Variants in NKAIN2 observed in about 807,000 individuals in gnomAD.
The protein encoded by NKAIN2 is sodium/potassium-transporting ATPase subunit beta-1-interacting protein 2.
A neutral mutation model predicts 32.6 loss-of-function variants in NKAIN2; 14 were observed. That is an observed-to-expected ratio of 0.43 (90% CI 0.28 to 0.67). NKAIN2 has a LOEUF of 0.67. Among genes scored for constraint, NKAIN2 ranks in the 30% least tolerant of loss-of-function variants. The pLI is 0.17. For synonymous variants in NKAIN2, 80 were observed against 87.2 expected (o/e 0.92, Z 0.46); for missense variants, 198 against 258.3 (o/e 0.77, Z 1.60).
intron 1 of NKAIN2, among the ~76,000 whole-genome samples, chr6:123,896,506 A>C (rs998742670): frequency 6.6e-6 from 1 of 152,208 alleles, no homozygotes; most frequent in African/African-American, 2.4e-5. Flanking sequence ...CACAAAAGAA[A>C]GAAGAGAACT....
intron 1 of NKAIN2, among the ~76,000 whole-genome samples, chr6:124,217,954 T>G (rs1791575483): frequency 6.6e-6 from 1 of 152,134 alleles, no homozygotes; most frequent in Non-Finnish European, 1.5e-5. Flanking sequence ...GTAACACTAT[T>G]GGCAATTTGT....
intron 1 of NKAIN2, among the ~76,000 whole-genome samples, chr6:124,257,914 G>A (rs561566697): frequency 8.6e-5 from 13 of 151,538 alleles, no homozygotes; most frequent in Admixed American, 2.0e-4. Context: ...AAGTAGCTGG[G>A]ATTACAGGCA....
At chr6:123,975,633 C>T (rs1011307645) in intron 1 of NKAIN2, among the ~76,000 whole-genome samples, 2 of 152,058 alleles carry the variant, frequency 1.3e-5, no homozygotes, top group East Asian at 1.9e-4. Flanking sequence ...TCAAGGCAAT[C>T]GTAGATTGAG....
intron 3 of NKAIN2, among the ~76,000 whole-genome samples, chr6:124,516,970 C>A (rs1778938980): frequency 6.6e-6 from 1 of 152,112 alleles, no homozygotes; most frequent in African/African-American, 2.4e-5. Context: ...GTCTGTTCTG[C>A]AAGGGACATC....
At chr6:124,670,751 C>T (rs1052706602) in intron 4 of NKAIN2, among the ~76,000 whole-genome samples, 1 of 151,592 alleles carries the variant, frequency 6.6e-6, no homozygotes, top group African/African-American at 2.4e-5. Context: ...AACAATAATT[C>T]TCTCAAGAAA....
chr6:124,646,131 G>A (rs957133137), intron 3 of NKAIN2, among the ~76,000 whole-genome samples: 1 of 151,998 alleles, frequency 6.6e-6, no homozygotes, highest in Non-Finnish European at 1.5e-5. Context: ...TATTTATTTA[G>A]TGAAGATGAG....
chr6:124,557,200 G>T (rs1020857655), intron 3 of NKAIN2, among the ~76,000 whole-genome samples: 1 of 152,014 alleles, frequency 6.6e-6, no homozygotes, highest in Non-Finnish European at 1.5e-5. Context: ...AAAAAATAAC[G>T]GTGAGAATAA....
intron 4 of NKAIN2, among the ~76,000 whole-genome samples, chr6:124,704,863 G>A (rs1483874840): frequency 6.6e-6 from 1 of 151,800 alleles, no homozygotes; most frequent in Non-Finnish European, 1.5e-5. Context: ...AACAACAGAG[G>A]GAGTGCTATC....
At chr6:124,588,917 T>C (rs1005533989) in intron 3 of NKAIN2, among the ~76,000 whole-genome samples, 5 of 152,202 alleles carry the variant, frequency 3.3e-5, no homozygotes, top group Non-Finnish European at 7.4e-5. Flanking sequence ...ATTGGAGGAA[T>C]CTATTTTAGT....
Position 124,624,601 on chromosome 6 carries a change from G to A in NKAIN2, c.274-33585G>A, listed in dbSNP as rs78927158. ...TTATTTTTCAAAATCCTAAATGTAA[G>A]GAAGCCTTCCAAATTATGACCAGAA... is the stretch of plus-strand genomic sequence containing the variant. On this transcript the variant is annotated intron_variant, in intron 3 of 6. Transcript: ENST00000368417. Among the ~76,000 whole-genome samples, 496 of 152,248 alleles carry A rather than the reference G, an allele frequency of 3.3e-3. 1 individual carries two copies. Among genetic ancestry groups the A allele is most frequent in the African/African-American group, 0.011 (472 of 41,538 alleles).
intron 4 of NKAIN2, among the ~76,000 whole-genome samples, chr6:124,714,535 G>C (rs1420066574): frequency 6.6e-6 from 1 of 152,142 alleles, no homozygotes; most frequent in East Asian, 1.9e-4. Context: ...GCCAGATATA[G>C]GAAAACAACA....
chr6:124,779,301 A>C (rs1583849271), intron 4 of NKAIN2, among the ~76,000 whole-genome samples: 1 of 47,334 alleles, frequency 2.1e-5, no homozygotes, highest in African/African-American at 9.4e-5. Context: ...GGAAGGAGGG[A>C]GGGAGGGAGG....
intron 3 of NKAIN2, chr6:124,437,804 T>A (rs931255649): frequency 8.3e-6 from 3 of 359,690 alleles, no homozygotes; most frequent in Middle Eastern, 8.1e-4. Context: ...TTTTGAAGAA[T>A]GAATAATAAT....
intron 1 of NKAIN2, among the ~76,000 whole-genome samples, chr6:123,986,107 A>C (rs1352169442): frequency 1.3e-5 from 2 of 152,192 alleles, no homozygotes; most frequent in African/African-American, 4.8e-5. Flanking sequence ...CTAACAAAGA[A>C]AAAATAAGGA....
In NKAIN2 at chr6:124,791,321, ATC is replaced by A. The variant is rs1562385391; in HGVS notation, c.475-14_475-13del. ...GGTGCCTTTTTCTGATGTCTAAAGC[ATC>A]TCTGTTTTGTTTCAGCTGGCAGGTT... On this transcript the variant is annotated splice_polypyrimidine_tract_variant and intron_variant, in intron 4 of 6. Transcript: ENST00000368417. The A allele has an allele frequency of 1.2e-6, 2 of 1,602,052 alleles. No homozygotes were observed.
rs13217892 is a variant in NKAIN2, at chr6:123,863,652, G to A, written c.54+59398G>A. 3.2e-3 allele frequency among the ~76,000 whole-genome samples: 495 copies of A among 152,318 alleles called. 1 individual carries two copies. Among genetic ancestry groups the A allele is most frequent in the Non-Finnish European group, 5.6e-3 (383 of 68,032 alleles). ...GCCTGTGGGCACCATTGGGAGTAGA[G>A]TTGGTACACCTTGGTGCCTTCCATA... On this transcript the variant is annotated intron_variant, in intron 1 of 6. Coordinates refer to ENST00000368417, the MANE Select transcript of NKAIN2 (RefSeq NM_001040214.3).
intron 1 of NKAIN2, among the ~76,000 whole-genome samples, chr6:124,159,126 C>T (rs1465224219): frequency 6.6e-6 from 1 of 152,172 alleles, no homozygotes; most frequent in Non-Finnish European, 1.5e-5. Context: ...TTTCTCTATA[C>T]ATTTCCATAT....
At chr6:124,534,792 A>G (rs1779655040) in intron 3 of NKAIN2, among the ~76,000 whole-genome samples, 1 of 152,082 alleles carries the variant, frequency 6.6e-6, no homozygotes, top group Non-Finnish European at 1.5e-5. Context: ...CTCAACACTT[A>G]TGCACTTGAA....
At chr6:124,002,469 A>C (rs1779919759) in intron 1 of NKAIN2, among the ~76,000 whole-genome samples, 1 of 151,396 alleles carries the variant, frequency 6.6e-6, no homozygotes, top group African/African-American at 2.4e-5. Context: ...CCCCCTTACC[A>C]ATCTCCTACT....
Sources: gnomAD v4.1 joint callset for allele counts (sites outside exome capture counted in the v4.1 genomes callset) on GRCh38, gnomAD v4.1.1 for gene constraint, MANE v1.5 for transcripts, NCBI Gene and HGNC (gene_info 2026-07-23, HGNC 2026-07-21) for gene names.